The following DYNC1H1 variants were observed in gnomAD, a reference collection of about 807,000 sequenced individuals.
DYNC1H1 encodes dynein cytoplasmic 1 heavy chain 1.
A neutral mutation model predicts 527.1 loss-of-function variants in DYNC1H1; 51 were observed. That is an observed-to-expected ratio of 0.10 (90% CI 0.08 to 0.12). DYNC1H1 has a LOEUF of 0.12. Ranked by LOEUF, DYNC1H1 falls within the 10% of genes least tolerant of loss-of-function variation. The pLI, the probability that DYNC1H1 is intolerant of heterozygous loss-of-function variation, is 1.00. For synonymous variants in DYNC1H1, 2,189 were observed against 2,278.8 expected (o/e 0.96, Z 1.12); for missense variants, 2,771 against 5,971.8 (o/e 0.46, Z 17.66).
chr14:102,003,096 C>A, intron 23 of DYNC1H1, 131 bp downstream of exon 23: 1 of 1,204,898 alleles, frequency 8.3e-7, no homozygotes, highest in Non-Finnish European at 1.2e-6. Flanking sequence ...GCCAATAATA[C>A]ATATAATGAT....
rs749388612 is a variant in DYNC1H1 at position 101,985,123 on chromosome 14, C to A, written c.1462-564C>A. ...ATCCCTTCCTCCATCTTGGAAGGAC[C>A]CTAGAGCCAGACTTCCTGGGTTTTA... On this transcript the variant is annotated intron_variant, in intron 7 of 77. Coordinates refer to ENST00000360184, the MANE Select transcript of DYNC1H1 (RefSeq NM_001376.5). This position sits in a 1 kb window ranked among gnomAD's most constrained non-coding sequence, Gnocchi z 5.9. Among the ~76,000 whole-genome samples the A allele has an allele frequency of 2.0e-5, 3 of 151,828 alleles. No homozygotes were observed. Among genetic ancestry groups the A allele is most frequent in the Non-Finnish European group, 2.9e-5 (2 of 67,980 alleles).
rs1043219211 is a variant in DYNC1H1, at chr14:102,010,495, A to G, written c.6405+36A>G. 1.9e-6 allele frequency: 3 copies of G among 1,609,024 alleles called. No homozygotes were observed. The highest frequency in any genetic ancestry group is 2.5e-6 in the Non-Finnish European group (3 of 1,177,418). On this transcript the variant is annotated intron_variant, in intron 31 of 77. Coordinates refer to ENST00000360184, the MANE Select transcript of DYNC1H1 (RefSeq NM_001376.5). The surrounding 1 kb of genome is among the most constrained non-coding windows in gnomAD (Gnocchi z 6.0). ...AACGTTTTGATCACTCAAACCTTAT[A>G]CGTTATTTAAATTTACCTTTTTAAC...
Position 102,005,860 on chromosome 14 carries a change from A to G in DYNC1H1, c.5434-28A>G. 6.2e-7 allele frequency: 1 copy of G among 1,613,568 alleles called. No individual in the cohort carries two copies. The highest frequency in any genetic ancestry group is 1.1e-5 in the South Asian group (1 of 91,026). ...GCACTGTATTGCTTTAGTGTAGATG[A>G]ACTTTTAAAGTGACTCTCTTTCTTC... On this transcript the variant is annotated intron_variant, in intron 26 of 77. Coordinates refer to ENST00000360184, the MANE Select transcript of DYNC1H1 (RefSeq NM_001376.5). This position sits in a 1 kb window ranked among gnomAD's most constrained non-coding sequence, Gnocchi z 4.0.
At position 102,031,552 on chromosome 14, in the gene DYNC1H1, C is replaced by T. The variant is rs192293088; in HGVS notation, c.9884-720C>T. ...GCAGCCATTGTTTTAGAACTGTTAA[C>T]TCCACGTCTTTACGCATCCCTCTAA... On this transcript the variant is annotated intron_variant, in intron 51 of 77. Transcript: ENST00000360184. 8.5e-5 allele frequency among the ~76,000 whole-genome samples: 13 copies of T among 152,256 alleles called. No homozygotes were observed. In the East Asian group the frequency reaches 2.5e-3, roughly 29 times the overall value.
At chr14:102,004,005 G>A (rs1328453133) in intron 23 of DYNC1H1, among the ~76,000 whole-genome samples, 7 of 152,058 alleles carry the variant, frequency 4.6e-5, no homozygotes, top group Non-Finnish European at 1.0e-4. Flanking sequence ...ACTTTGGGTG[G>A]CCGAGGCGGG....
chr14:102,035,215 A>C (rs1422426861), intron 56 of DYNC1H1: 2 of 152,732 alleles, frequency 1.3e-5, no homozygotes. Context: ...GGGCGACAGC[A>C]CAAGACTCCG....
At position 102,053,352 on chromosome 14, in the gene DYNC1H1, T is replaced by G. The variant is rs1401967772; in HGVS notation, c.*2789T>G. On this transcript the variant is annotated 3_prime_UTR_variant, in exon 78 of 78. Coordinates refer to ENST00000360184, the MANE Select transcript of DYNC1H1 (RefSeq NM_001376.5). The stretch of plus-strand genomic sequence containing the variant: ...CATATTGGTCAGGCTGGTCTTGAAC[T>G]CCTGACTCAGGTGATCCACCCGCCT... 1 of 151,972 alleles carries G rather than the reference T, an allele frequency of 6.6e-6. No homozygotes were observed. The highest frequency in any genetic ancestry group is 1.5e-5 in the Non-Finnish European group (1 of 68,020). The allele number at this position is 151,972 out of a possible 1,614,324, so 9.4% of individuals were successfully genotyped here.
chr14:102,044,140 G>A lies in DYNC1H1; in HGVS notation c.12684+95G>A. 1 of 1,587,466 alleles carries A rather than the reference G, an allele frequency of 6.3e-7. No homozygotes were observed. The highest frequency in any genetic ancestry group is 1.9e-4 in the Middle Eastern group (1 of 5,298). On this transcript the variant is annotated intron_variant, in intron 70 of 77. Transcript: ENST00000360184. The surrounding 1 kb of genome is among the most constrained non-coding windows in gnomAD (Gnocchi z 7.1). ...GAGAGGCCAGACTCTGCGTGGAAGA[G>A]CGAGCTGACCCCTCGTGACCGCCAA... is the stretch of plus-strand genomic sequence containing the variant.
At chr14:101,981,283 C>T (rs2047861023) in intron 5 of DYNC1H1, among the ~76,000 whole-genome samples, 1 of 152,104 alleles carries the variant, frequency 6.6e-6, no homozygotes, top group Non-Finnish European at 1.5e-5. Context: ...ACCACCATGT[C>T]CAACTAATTT....
Position 102,012,603 on chromosome 14 carries a change from CA to C in DYNC1H1, c.7014+136del, listed in dbSNP as rs1359816299. Reference sequence around the variant, plus strand: ...TAGTGATCATTGTGTAAGTAATTTTCAAAGATAGCATCTCAACTGCTAGATT... The same window carrying C: ...TAGTGATCATTGTGTAAGTAATTTTCAAGATAGCATCTCAACTGCTAGATT... On this transcript the variant is annotated intron_variant, in intron 34 of 77. Transcript: ENST00000360184. The surrounding 1 kb of genome is among the most constrained non-coding windows in gnomAD (Gnocchi z 4.9). 7.9e-7 allele frequency: 1 copy of C among 1,267,490 alleles called. No individual in the cohort carries two copies. The highest frequency in any genetic ancestry group is 1.1e-6 in the Non-Finnish European group (1 of 878,676). 78.5% of individuals were successfully genotyped at this position (1,267,490 alleles called of 1,614,324 possible). A position where few individuals can be genotyped will look rare whatever the true frequency, so the allele number is the denominator to read the frequency against.
intron 72 of DYNC1H1, chr14:102,045,131 C>T (rs992536129): frequency 4.6e-5 from 11 of 237,950 alleles, no homozygotes; most frequent in African/African-American, 9.0e-5. Context: ...GGCAAAACCT[C>T]GTCTCTACTA....
rs1448112223 is a variant in DYNC1H1 at position 102,052,992 on chromosome 14, G to A, written c.*2429G>A. 6.6e-6 allele frequency: 1 copy of A among 152,184 alleles called. No individual in the cohort carries two copies. The highest frequency in any genetic ancestry group is 1.5e-5 in the Non-Finnish European group (1 of 68,034). 9.4% of individuals were successfully genotyped at this position (152,184 alleles called of 1,614,324 possible). A position where few individuals can be genotyped will look rare whatever the true frequency, so the allele number is the denominator to read the frequency against. On this transcript the variant is annotated 3_prime_UTR_variant, in exon 78 of 78. Coordinates refer to ENST00000360184, the MANE Select transcript of DYNC1H1 (RefSeq NM_001376.5). ...GTGTCTTCCGAATCGCCATCATAAA[G>A]ATCTAAAAGCTGAGGACAAAAGTGT...
intron 10 of DYNC1H1, among the ~76,000 whole-genome samples, chr14:101,990,848 A>G (rs1417686663): frequency 6.6e-6 from 1 of 152,010 alleles, no homozygotes; most frequent in Non-Finnish European, 1.5e-5. Flanking sequence ...ATCTCTACTA[A>G]AAATACAAAA....
rs534999203 is a variant in DYNC1H1 at position 102,002,076 on chromosome 14, A to G, written c.4542+395A>G. On this transcript the variant is annotated intron_variant, in intron 21 of 77. Coordinates refer to ENST00000360184, the MANE Select transcript of DYNC1H1 (RefSeq NM_001376.5). The surrounding 1 kb of genome is among the most constrained non-coding windows in gnomAD (Gnocchi z 4.4). ...GCGTGAGTCACCACAGCCAGTCAAT[A>G]CTTGTTTTTTTGTTTGTTTGCTTGC... is the stretch of plus-strand genomic sequence containing the variant. Among the ~76,000 whole-genome samples the G allele has an allele frequency of 6.7e-6, 1 of 148,686 alleles. No individual in the cohort carries two copies. The highest frequency in any genetic ancestry group is 2.1e-4 in the South Asian group (1 of 4,660).
Position 102,047,620 on chromosome 14 carries a change from CGT to C in DYNC1H1, c.13007-176_13007-175del, listed in dbSNP as rs71116873. On this transcript the variant is annotated intron_variant, in intron 72 of 77. Transcript: ENST00000360184. ...ATATACACATATATGTATATATACACGTGTGTGTGTGTGTGTGTGTGTATATA... is the reference window on the plus strand; with the variant it reads ...ATATACACATATATGTATATATACACGTGTGTGTGTGTGTGTGTGTATATA... The C allele has an allele frequency of 0.021, 6,382 of 304,584 alleles. 16 individuals are homozygous for C. The highest frequency in any genetic ancestry group is 0.024 in the Non-Finnish European group (4,286 of 179,788). 18.9% of individuals were successfully genotyped at this position (304,584 alleles called of 1,614,324 possible).
Position 102,049,965 on chromosome 14 carries a change from T to C in DYNC1H1, c.13684+83T>C. 1 of 1,486,528 alleles carries C rather than the reference T, an allele frequency of 6.7e-7. No individual in the cohort carries two copies. Among genetic ancestry groups the C allele is most frequent in the Non-Finnish European group, 9.0e-7 (1 of 1,113,234 alleles). The allele number at this position is 1,486,528 out of a possible 1,614,324, so 92.1% of individuals were successfully genotyped here. A position where few individuals can be genotyped will look rare whatever the true frequency, so the allele number is the denominator to read the frequency against. On this transcript the variant is annotated intron_variant, in intron 76 of 77. Transcript: ENST00000360184. The surrounding 1 kb of genome is among the most constrained non-coding windows in gnomAD (Gnocchi z 5.5). The stretch of plus-strand genomic sequence containing the variant: ...ACCATTGTTCCCAGATACATGCACT[T>C]AGGGTGACCGGCTGGCAGTTGGGTG...
rs764335606 is a variant in DYNC1H1, at chr14:102,034,199, C to T, written c.10626+11C>T. 4 of 1,614,152 alleles carry T rather than the reference C, an allele frequency of 2.5e-6. No homozygotes were observed. The highest frequency in any genetic ancestry group is 1.1e-5 in the South Asian group (1 of 91,088). On this transcript the variant is annotated intron_variant, in intron 55 of 77. Coordinates refer to ENST00000360184, the MANE Select transcript of DYNC1H1 (RefSeq NM_001376.5). Reference sequence around the variant, plus strand: ...CAAGCCAACATCCAGGTGAGAATCACGGGGAGTTCAAAAAGGATGTGCGAG... The same window carrying T: ...CAAGCCAACATCCAGGTGAGAATCATGGGGAGTTCAAAAAGGATGTGCGAG...
Position 102,042,747 on chromosome 14 carries a change from A to C in DYNC1H1, c.12512A>C (p.Lys4171Thr). 1 of 1,614,126 alleles carries C rather than the reference A, an allele frequency of 6.2e-7. No homozygotes were observed. The highest frequency in any genetic ancestry group is 8.5e-7 in the Non-Finnish European group (1 of 1,180,014). ...FSSIPVSRICKSPNERARLYF... is the reference protein window; with the variant it reads ...FSSIPVSRICTSPNERARLYF... The stretch of plus-strand genomic sequence containing the variant: ...AGCATTCCCGTCTCACGGATATGCA[A>C]GGTAAGTACCTTGTCCTCCTGGTAT... Residue 4171 changes from lysine (K) to threonine (T), a missense_variant and splice_region_variant, in exon 69 of 78, where the codon AAG becomes ACG. Transcript: ENST00000360184. This position sits in a 1 kb window ranked among gnomAD's most constrained non-coding sequence, Gnocchi z 5.7.
At chr14:101,996,376 C>T (rs1304707132) in intron 15 of DYNC1H1, among the ~76,000 whole-genome samples, 4 of 151,844 alleles carry the variant, frequency 2.6e-5, no homozygotes, top group Non-Finnish European at 4.4e-5. Context: ...GTGATCTGCC[C>T]GCCTTGACCT....
Sources: allele counts gnomAD v4.1 joint callset (sites outside exome capture counted in the v4.1 genomes callset), GRCh38; gene constraint gnomAD v4.1.1; non-coding constraint Gnocchi (gnomAD v3.1); transcripts MANE v1.5; gene names NCBI Gene and HGNC (gene_info 2026-07-23, HGNC 2026-07-21).